Variants in KRT17 observed in about 807,000 individuals in gnomAD.
KRT17 encodes the protein keratin 17.
A neutral mutation model predicts 45.6 loss-of-function variants in KRT17; 29 were observed. The observed-to-expected ratio is 0.64, with a 90% CI of 0.47 to 0.87. The LOEUF is 0.87. Ranked by LOEUF, KRT17 falls within the 40% of genes least tolerant of loss-of-function variation. The probability of loss-of-function intolerance (pLI) is 0.00; values close to 1 mark genes in which losing one functional copy is unlikely to be tolerated. For synonymous variants in KRT17, 219 were observed against 234.6 expected, an observed-to-expected ratio of 0.93 and a Z score of 0.61; for missense variants, 536 against 577.8, an observed-to-expected ratio of 0.93 and a Z score of 0.74.
Position 41,624,421 on chromosome 17 carries a change from C to G in KRT17, c.89G>C (p.Arg30Pro), listed in dbSNP as rs2229512. 1,127 of 1,610,256 alleles carry G rather than the reference C, an allele frequency of 7.0e-4. 5 individuals are homozygous for G. The African/African-American group carries it at 9.2e-3, about 13-fold the overall frequency. ...GCCGGCACCCAGGCCGCCAGACAGC[C>G]GGCAGGAGGTGCGGGACGAGCCGCC... ...LGGGSSRTSCRLSGGLGAGSC... is the reference protein window; with the variant it reads ...LGGGSSRTSCPLSGGLGAGSC... The change falls in exon 1 of 8, where the codon CGG (arginine) becomes CCG (proline). Residue 30 changes from arginine (R) to proline (P), a missense_variant. Arg to Pro is a moderately radical substitution (Grantham distance 103). Transcript: ENST00000311208.
At position 41,622,947 on chromosome 17, in the gene KRT17, C is replaced by T. The variant is rs111460282; in HGVS notation, c.515+3G>A. On this transcript the variant is annotated splice_donor_region_variant and intron_variant, in intron 2 of 7. Transcript: ENST00000311208. ...GCTGCCCAAGGCCACAGCTAGGACT[C>T]ACTTGGTGCGGAAGTCATCAGCAGC... The T allele has an allele frequency of 5.1e-5, 83 of 1,611,774 alleles. No individual in the cohort carries two copies. Among genetic ancestry groups the T allele is most frequent in the Non-Finnish European group, 6.6e-5 (78 of 1,179,172 alleles).
chr17:41,620,945 C>T lies in KRT17; in HGVS notation c.960+21G>A, dbSNP rs759621633. On this transcript the variant is annotated intron_variant, in intron 5 of 7. Transcript: ENST00000311208. ...CAATGCCCTCTTCTGGGCCCTCCCCCATGCACAGGACTGTTCCTACCATGC... is the reference window on the plus strand; with the variant it reads ...CAATGCCCTCTTCTGGGCCCTCCCCTATGCACAGGACTGTTCCTACCATGC... 5.0e-6 allele frequency: 8 copies of T among 1,614,016 alleles called. No homozygotes were observed. The South Asian group carries it at 8.8e-5, about 18-fold the overall frequency.
In KRT17 at chr17:41,622,980, G is replaced by A. The variant is rs1908596926; in HGVS notation, c.485C>T (p.Ala162Val). Residue 162 changes from alanine to valine, a missense_variant, in exon 2 of 8, where the codon GCC becomes GTC. Physicochemically the swap from Ala to Val is moderately conservative, Grantham distance 64. Coordinates refer to ENST00000311208, the MANE Select transcript of KRT17 (RefSeq NM_000422.3). ...GCGGAAGTCATCAGCAGCCAGACGGGCATTGTCAATCTGTAGCAGGATGTT... is the reference window on the plus strand; with the variant it reads ...GCGGAAGTCATCAGCAGCCAGACGGACATTGTCAATCTGTAGCAGGATGTT... ...NANILLQIDN[A>V]RLAADDFRTK... 1.9e-6 allele frequency: 3 copies of A among 1,613,152 alleles called. No individual in the cohort carries two copies. The highest frequency in any genetic ancestry group is 2.5e-6 in the Non-Finnish European group (3 of 1,179,774).
chr17:41,621,550 C>T, intron 4 of KRT17, 43 bp downstream of exon 4: 1 of 1,611,336 alleles, frequency 6.2e-7, no homozygotes, highest in Non-Finnish European at 8.5e-7. Context: ...GGCCCCTGAG[C>T]CCCAGCCCCT....
intron 7 of KRT17, 148 bp from the exon 8 acceptor site, chr17:41,619,836 C>G: frequency 6.5e-7 from 1 of 1,533,158 alleles, no homozygotes; most frequent in Non-Finnish European, 8.8e-7. Flanking sequence ...TCACACTGCA[C>G]ACACATCCCT....
At position 41,620,999 on chromosome 17, in the gene KRT17, G is replaced by T. The variant is rs1186043586; in HGVS notation, c.927C>A (p.Ala309=). 6.2e-7 allele frequency: 1 copy of T among 1,613,882 alleles called. No individual in the cohort carries two copies. The highest frequency in any genetic ancestry group is 1.7e-5 in the Admixed American group (1 of 60,008). The part of the protein sequence containing the change: ...EISELRRTMQ[A]LEIELQSQLS... ...GCTGGGACTGCAGCTCTATCTCCAA[G>T]GCCTGCATGGTGCGCCGGAGCTCCG... The change falls in exon 5 of 8, where the codon GCC becomes GCA. Residue 309 remains alanine (A), a synonymous_variant. Transcript: ENST00000311208.
intron 3 of KRT17, 195 bp from the exon 4 acceptor site, chr17:41,621,949 T>G (rs936080125): frequency 2.4e-5 from 16 of 657,884 alleles, no homozygotes; most frequent in African/African-American, 9.1e-5. Flanking sequence ...TCTCCCCCAT[T>G]AGACCAAGGA....
intron 4 of KRT17, among the ~76,000 whole-genome samples, chr17:41,621,316 T>C (rs1175166602): frequency 6.6e-6 from 1 of 152,262 alleles, no homozygotes; most frequent in African/African-American, 2.4e-5. Context: ...AGCCTGGCTC[T>C]TGATGCTAGT....
rs1366910575 is a variant in KRT17, at chr17:41,624,449, C to T, written c.61G>A (p.Gly21Arg). ...CAGGAGGTGCGGGACGAGCCGCCCC[C>T]CAGGCCGGAGGAGCCCTTGATGGAG... is the stretch of plus-strand genomic sequence containing the variant. ...SSSIKGSSGL[G>R]GGSSRTSCRL... Residue 21 changes from glycine to arginine, a missense_variant, in exon 1 of 8, where the codon GGG becomes AGG. Gly to Arg is a moderately radical substitution (Grantham distance 125). Transcript: ENST00000311208. 2.5e-6 allele frequency: 4 copies of T among 1,610,278 alleles called. No homozygotes were observed. In the African/African-American group the frequency reaches 4.0e-5, roughly 16 times the overall value.
chr17:41,619,976 A>G (rs1908482841), intron 7 of KRT17: 1 of 985,370 alleles, frequency 1.0e-6, no homozygotes, highest in African/African-American at 1.7e-5. Context: ...TGTAGACTCC[A>G]TGAAATCCGT....
chr17:41,623,243 C>T lies in KRT17; in HGVS notation c.433-211G>A, dbSNP rs183234368. 2.8e-4 allele frequency: 151 copies of T among 541,852 alleles called. 1 individual carries two copies. Among genetic ancestry groups the T allele is most frequent in the African/African-American group, 2.4e-3 (125 of 52,434 alleles). The allele number at this position is 541,852 out of a possible 1,614,324, so 33.6% of individuals were successfully genotyped here. ...CCGATACTCAGTACCCCACCAGACC[C>T]CCATGGCAGGCTCGGCCTTAAAGGA... On this transcript the variant is annotated intron_variant, in intron 1 of 7. Coordinates refer to ENST00000311208, the MANE Select transcript of KRT17 (RefSeq NM_000422.3).
At position 41,622,368 on chromosome 17, in the gene KRT17, T is replaced by C; in HGVS notation, c.659A>G (p.Lys220Arg). The change falls in exon 3 of 8, where the codon AAG becomes AGG. Residue 220 changes from lysine to arginine, a missense_variant. Coordinates refer to ENST00000311208, the MANE Select transcript of KRT17 (RefSeq NM_000422.3). ...NLKEELAYLK[K>R]NHEEEMNALR... Reference sequence around the variant, plus strand: ...CAGCCACCTCACCTCCTCGTGGTTCTTCTTCAGGTAGGCCAGCTCCTCCTT... The same window carrying C: ...CAGCCACCTCACCTCCTCGTGGTTCCTCTTCAGGTAGGCCAGCTCCTCCTT... 1 of 1,613,616 alleles carries C rather than the reference T, an allele frequency of 6.2e-7. No homozygotes were observed. Among genetic ancestry groups the C allele is most frequent in the Non-Finnish European group, 8.5e-7 (1 of 1,180,032 alleles).
At position 41,624,560 on chromosome 17, in the gene KRT17, G is replaced by A. The variant is rs773210697; in HGVS notation, c.-51C>T. On this transcript the variant is annotated 5_prime_UTR_variant, in exon 1 of 8. Transcript: ENST00000311208. ...ACAGGAGAAGGGCTGGAGAGGAGAG[G>A]GGCCCCAAGTTGTGTAGGGCTGCCG... 13 of 1,567,446 alleles carry A rather than the reference G, an allele frequency of 8.3e-6. No homozygotes were observed. The highest frequency in any genetic ancestry group is 6.8e-5 in the African/African-American group (5 of 73,470).
chr17:41,624,369 G>A lies in KRT17; in HGVS notation c.141C>T (p.Gly47=), dbSNP rs1427508986. The A allele has an allele frequency of 2.5e-6, 4 of 1,610,884 alleles. No individual in the cohort carries two copies. The highest frequency in any genetic ancestry group is 1.7e-6 in the Non-Finnish European group (2 of 1,179,704). The change falls in exon 1 of 8, where the codon GGC becomes GGT. Residue 47 remains glycine (G), a synonymous_variant. Coordinates refer to ENST00000311208, the MANE Select transcript of KRT17 (RefSeq NM_000422.3). ...AGSCRLGSAG[G]LGSTLGGSSY... Reference sequence around the variant, plus strand: ...TGCTACCCCCGAGGGTGCTGCCCAGGCCGCCAGCAGATCCCAGCCTGCAGG... The same window carrying A: ...TGCTACCCCCGAGGGTGCTGCCCAGACCGCCAGCAGATCCCAGCCTGCAGG...
At chr17:41,622,160 C>T in intron 3 of KRT17, 195 bp downstream of exon 3, 2 of 716,014 alleles carry the variant, frequency 2.8e-6, no homozygotes, top group Non-Finnish European at 4.9e-6. Context: ...TACAGAGAAG[C>T]AGTGTGGTAC....
intron 1 of KRT17, chr17:41,623,247 T>A: frequency 1.9e-6 from 1 of 532,572 alleles, no homozygotes; most frequent in Non-Finnish European, 3.5e-6. Flanking sequence ...CAGACCCCCA[T>A]GGCAGGCTCG....
intron 7 of KRT17, chr17:41,620,038 C>T (rs546363408): frequency 3.0e-6 from 3 of 985,304 alleles, no homozygotes; most frequent in African/African-American, 1.7e-5. Context: ...TCTCCCCCAT[C>T]AGACTGGGAT....
intron 3 of KRT17, chr17:41,622,059 G>C: frequency 1.7e-6 from 1 of 593,768 alleles, no homozygotes; most frequent in Non-Finnish European, 3.1e-6. Context: ...AGTTTGAAAT[G>C]GGACAAGATT....
At position 41,622,378 on chromosome 17, in the gene KRT17, A is replaced by G. The variant is rs755878402; in HGVS notation, c.649T>C (p.Tyr217His). 1 of 1,613,712 alleles carries G rather than the reference A, an allele frequency of 6.2e-7. No individual in the cohort carries two copies. The highest frequency in any genetic ancestry group is 8.5e-7 in the Non-Finnish European group (1 of 1,180,024). ...ACCTCCTCGTGGTTCTTCTTCAGGT[A>G]GGCCAGCTCCTCCTTGAGGTTCTCA... Reference protein sequence around the residue: ...QIENLKEELAYLKKNHEEEMN... With the variant: ...QIENLKEELAHLKKNHEEEMN... The change falls in exon 3 of 8, where the codon TAC (tyrosine) becomes CAC (histidine). Residue 217 changes from tyrosine (Y) to histidine (H), a missense_variant. Transcript: ENST00000311208.
Sources: allele counts gnomAD v4.1 joint callset (sites outside exome capture counted in the v4.1 genomes callset), GRCh38; gene constraint gnomAD v4.1.1; transcripts MANE v1.5; gene names NCBI Gene and HGNC (gene_info 2026-07-23, HGNC 2026-07-21).